CSRNP3: variants seen among roughly 807,000 people sequenced by gnomAD.
The protein encoded by CSRNP3 is cysteine/serine-rich nuclear protein 3.
A neutral mutation model predicts 48.0 loss-of-function variants in CSRNP3; 12 were observed. The observed-to-expected ratio is 0.25, with a 90% confidence interval of 0.16 to 0.41. The LOEUF (loss-of-function observed/expected upper bound fraction) is 0.41. Ranked by LOEUF, CSRNP3 falls within the 10% of genes least tolerant of loss-of-function variation. The pLI is 1.00. For missense variants in CSRNP3, 580 were observed against 724.4 expected (o/e 0.80, Z 2.29); for synonymous variants, 263 against 269.7 (o/e 0.98, Z 0.24).
intron 3 of CSRNP3, among the ~76,000 whole-genome samples, chr2:165,586,219 GT>G (rs1685629970): frequency 6.6e-6 from 1 of 152,082 alleles, no homozygotes; most frequent in Non-Finnish European, 1.5e-5. Flanking sequence ...TTTTCAGATT[GT>G]TTGGTAAATT....
At chr2:165,568,669 C>T (rs1184778601) in intron 3 of CSRNP3, among the ~76,000 whole-genome samples, 4 of 152,000 alleles carry the variant, frequency 2.6e-5, no homozygotes, top group Admixed American at 1.3e-4. Flanking sequence ...CTGCTGCAGC[C>T]TCTACTGGTT....
intron 1 of CSRNP3, among the ~76,000 whole-genome samples, chr2:165,472,935 T>C (rs1236747951): frequency 2.0e-5 from 3 of 152,098 alleles, no homozygotes; most frequent in Non-Finnish European, 4.4e-5. Context: ...GTGGGAAGTA[T>C]TTTGTTTTTA....
intron 3 of CSRNP3, among the ~76,000 whole-genome samples, chr2:165,535,433 T>G (rs1340579307): frequency 6.6e-6 from 1 of 151,728 alleles, no homozygotes; most frequent in Non-Finnish European, 1.5e-5. Context: ...TCAGCCTTAA[T>G]CACAAACTAG....
At chr2:165,475,741 T>A (rs999517529) in intron 1 of CSRNP3, among the ~76,000 whole-genome samples, 2 of 152,200 alleles carry the variant, frequency 1.3e-5, no homozygotes, top group Non-Finnish European at 2.9e-5. Context: ...TCCTTCCATG[T>A]TCTTCTCTGT....
chr2:165,677,421 C>T (rs1197289782), intron 6 of CSRNP3, among the ~76,000 whole-genome samples: 1 of 151,552 alleles, frequency 6.6e-6, no homozygotes, highest in Non-Finnish European at 1.5e-5. Flanking sequence ...TTCCTGGTCC[C>T]CCTTCATTTA....
intron 2 of CSRNP3, among the ~76,000 whole-genome samples, chr2:165,497,470 A>G (rs537087007): frequency 1.8e-4 from 27 of 146,152 alleles, no homozygotes; most frequent in African/African-American, 7.3e-4. Flanking sequence ...ACGGGAGACT[A>G]TCTATCACTA....
intron 5 of CSRNP3, among the ~76,000 whole-genome samples, chr2:165,666,495 G>A (rs866269072): frequency 4.7e-5 from 2 of 42,724 alleles, no homozygotes; most frequent in African/African-American, 1.2e-4. Flanking sequence ...GGAAGGAAGG[G>A]AGGAAAGAGA....
chr2:165,639,258 T>C (rs7605508), intron 4 of CSRNP3, among the ~76,000 whole-genome samples: 68,704 of 152,042 alleles, frequency 0.45, 17,771 homozygotes, highest in South Asian at 0.68. Flanking sequence ...AAGCACCATA[T>C]GAAGGACATT....
At chr2:165,540,535 C>T (rs1400962169) in intron 3 of CSRNP3, among the ~76,000 whole-genome samples, 2 of 152,060 alleles carry the variant, frequency 1.3e-5, no homozygotes, top group Admixed American at 6.6e-5. Context: ...TTATCTCCTT[C>T]GAAAGCTTAA....
chr2:165,471,662 G>C (rs1336882579), intron 1 of CSRNP3, among the ~76,000 whole-genome samples: 1 of 151,982 alleles, frequency 6.6e-6, no homozygotes, highest in Non-Finnish European at 1.5e-5. Flanking sequence ...TATTGTTGCT[G>C]CTTTTTATAA....
At chr2:165,636,905 G>T (rs1686637128) in intron 4 of CSRNP3, among the ~76,000 whole-genome samples, 1 of 152,100 alleles carries the variant, frequency 6.6e-6, no homozygotes, top group Non-Finnish European at 1.5e-5. Context: ...GGCAATGAGG[G>T]CAGTCACTAG....
intron 4 of CSRNP3, among the ~76,000 whole-genome samples, chr2:165,640,126 T>A (rs1390448406): frequency 1.3e-5 from 2 of 152,204 alleles, no homozygotes; most frequent in Admixed American, 6.5e-5. Context: ...ATATAAATGA[T>A]TTATGTGAAT....
chr2:165,538,662 T>C (rs758380408), intron 3 of CSRNP3, among the ~76,000 whole-genome samples: 22 of 151,962 alleles, frequency 1.4e-4, no homozygotes, highest in Non-Finnish European at 2.6e-4. Context: ...CCCATTTTTT[T>C]CATAGTCATC....
intron 3 of CSRNP3, among the ~76,000 whole-genome samples, chr2:165,539,911 G>A (rs571132019): frequency 7.2e-5 from 11 of 152,040 alleles, no homozygotes; most frequent in Non-Finnish European, 1.6e-4. Flanking sequence ...AGAAACTAGA[G>A]GTCCTGGAAA....
chr2:165,551,907 C>T (rs1685100673), intron 3 of CSRNP3, among the ~76,000 whole-genome samples: 1 of 152,116 alleles, frequency 6.6e-6, no homozygotes, highest in Non-Finnish European at 1.5e-5. Flanking sequence ...AAAACAAATA[C>T]ATAAATTCAA....
intron 3 of CSRNP3, among the ~76,000 whole-genome samples, chr2:165,578,234 A>C (rs1685484500): frequency 6.6e-6 from 1 of 151,932 alleles, no homozygotes; most frequent in Admixed American, 6.6e-5. Context: ...ACCATCTTTC[A>C]CCACAATGCT....
At chr2:165,658,128 A>G in intron 5 of CSRNP3, 108 bp downstream of exon 5, 1 of 1,233,714 alleles carries the variant, frequency 8.1e-7, no homozygotes, top group East Asian at 2.5e-5. Flanking sequence ...ACTTTACATA[A>G]CAGACTGCTT....
At chr2:165,659,663 CAATT>C (rs763041815) in intron 5 of CSRNP3, among the ~76,000 whole-genome samples, 1 of 152,184 alleles carries the variant, frequency 6.6e-6, no homozygotes, top group Non-Finnish European at 1.5e-5. Flanking sequence ...ATCACCTTAT[CAATT>C]GATAGGAAAT....
chr2:165,512,452 C>A (rs188263394), intron 2 of CSRNP3, among the ~76,000 whole-genome samples: 1 of 152,244 alleles, frequency 6.6e-6, no homozygotes, highest in East Asian at 1.9e-4. Flanking sequence ...ATTGTTTGCA[C>A]ATTTTTGAAC....
Sources: gnomAD v4.1 joint callset for allele counts (sites outside exome capture counted in the v4.1 genomes callset) on GRCh38, gnomAD v4.1.1 for gene constraint, MANE v1.5 for transcripts, NCBI Gene and HGNC (gene_info 2026-07-23, HGNC 2026-07-21) for gene names.